Variants in PLEKHA2 observed in about 807,000 individuals in gnomAD.
PLEKHA2 encodes pleckstrin homology domain containing A2, also known as pleckstrin homology domain-containing family A member 2.
A neutral mutation model predicts 53.2 loss-of-function variants in PLEKHA2; 28 were observed. The ratio of observed to expected loss-of-function variants is 0.53; its 90% CI spans 0.39 to 0.72. PLEKHA2 has a LOEUF of 0.72. PLEKHA2 is among the 30% of genes least tolerant of loss of function. The probability of loss-of-function intolerance (pLI) is 0.00; values close to 1 mark genes in which losing one functional copy is unlikely to be tolerated. For synonymous variants in PLEKHA2, 193 were observed against 196.4 expected (o/e 0.98, Z 0.14); for missense variants, 426 against 537.9 (o/e 0.79, Z 2.06).
In PLEKHA2 at chr8:38,973,870, T is replaced by G; in HGVS notation, c.*4087T>G. 4.1e-6 allele frequency: 1 copy of G among 246,364 alleles called. No homozygotes were observed. The highest frequency in any genetic ancestry group is 7.8e-6 in the Non-Finnish European group (1 of 128,574). 15.3% of individuals were successfully genotyped at this position (246,364 alleles called of 1,614,324 possible). On this transcript the variant is annotated 3_prime_UTR_variant, in exon 12 of 12. Coordinates refer to ENST00000617275, the MANE Select transcript of PLEKHA2 (RefSeq NM_021623.2). ...ATGTAGCAAAAATTTTCTAAAACTG[T>G]TTTGTGGCTTGTTTTGTAATAAAAC... is the stretch of plus-strand genomic sequence containing the variant.
At chr8:38,914,814 A>G (rs1346400967) in intron 1 of PLEKHA2, among the ~76,000 whole-genome samples, 1 of 152,226 alleles carries the variant, frequency 6.6e-6, no homozygotes, top group East Asian at 1.9e-4. Context: ...GAAAATTGCA[A>G]CAAGAGCAGA....
intron 1 of PLEKHA2, among the ~76,000 whole-genome samples, chr8:38,916,138 G>A (rs547073616): frequency 5.9e-5 from 9 of 152,158 alleles, no homozygotes; most frequent in African/African-American, 2.2e-4. Context: ...ACCACGACTG[G>A]CTAATTTTTT....
rs778630673 is a variant in PLEKHA2, at chr8:38,922,593, C to T, written c.141+4523C>T. ...GACAAGGAGATGCCTGCTATGTTTT[C>T]TTAATTATTTAATAGGCAGTAATAA... On this transcript the variant is annotated intron_variant, in intron 2 of 11. Coordinates refer to ENST00000617275, the MANE Select transcript of PLEKHA2 (RefSeq NM_021623.2). The surrounding 1 kb of genome is among the most constrained non-coding windows in gnomAD (Gnocchi z 4.0). Among the ~76,000 whole-genome samples the T allele has an allele frequency of 6.6e-6, 1 of 152,188 alleles. No individual in the cohort carries two copies. Among genetic ancestry groups the T allele is most frequent in the Non-Finnish European group, 1.5e-5 (1 of 68,038 alleles).
At chr8:38,934,127 G>A (rs1834447465) in intron 2 of PLEKHA2, among the ~76,000 whole-genome samples, 1 of 151,894 alleles carries the variant, frequency 6.6e-6, no homozygotes, top group Admixed American at 6.6e-5. Flanking sequence ...AAAAGAAAAA[G>A]AAGAAGAGGT....
intron 5 of PLEKHA2, among the ~76,000 whole-genome samples, chr8:38,948,341 T>A (rs76754283): frequency 0.063 from 9,525 of 152,242 alleles, 389 homozygotes; most frequent in East Asian, 0.17. Flanking sequence ...TTAATTTTAA[T>A]GAGCTTGAGT....
chr8:38,922,838 G>C lies in PLEKHA2; in HGVS notation c.141+4768G>C, dbSNP rs1159730772. On this transcript the variant is annotated intron_variant, in intron 2 of 11. Transcript: ENST00000617275. This position sits in a 1 kb window ranked among gnomAD's most constrained non-coding sequence, Gnocchi z 4.0. ...TCCATAATCCTGGGGCCTAGGGTCTGTTGTTACTCTTTGCTCATGGTTGTG... is the reference window on the plus strand; with the variant it reads ...TCCATAATCCTGGGGCCTAGGGTCTCTTGTTACTCTTTGCTCATGGTTGTG... 6.6e-6 allele frequency among the ~76,000 whole-genome samples: 1 copy of C among 152,202 alleles called. No individual in the cohort carries two copies. Among genetic ancestry groups the C allele is most frequent in the African/African-American group, 2.4e-5 (1 of 41,442 alleles).
At chr8:38,929,688 A>G (rs1256756538) in intron 2 of PLEKHA2, among the ~76,000 whole-genome samples, 1 of 152,180 alleles carries the variant, frequency 6.6e-6, no homozygotes, top group Non-Finnish European at 1.5e-5. Context: ...AATATATGTT[A>G]GTTTCCTTCT....
chr8:38,918,900 G>A (rs889049564), intron 2 of PLEKHA2, among the ~76,000 whole-genome samples: 1 of 152,162 alleles, frequency 6.6e-6, no homozygotes, highest in African/African-American at 2.4e-5. Flanking sequence ...GCTCTCACAC[G>A]CAGACACCAG....
At chr8:38,916,670 G>A (rs1834068672) in intron 1 of PLEKHA2, among the ~76,000 whole-genome samples, 1 of 152,118 alleles carries the variant, frequency 6.6e-6, no homozygotes, top group Non-Finnish European at 1.5e-5. Flanking sequence ...TCATTCATCT[G>A]TTGATGGCCA....
chr8:38,903,522 G>T (rs557483427), intron 1 of PLEKHA2, among the ~76,000 whole-genome samples: 10 of 152,182 alleles, frequency 6.6e-5, no homozygotes, highest in African/African-American at 1.4e-4. Context: ...TTGAAGACAT[G>T]CAGGTTTTGG....
rs879723172 is a variant in PLEKHA2 at position 38,935,430 on chromosome 8, CT to C, written c.142-548del. On this transcript the variant is annotated intron_variant, in intron 2 of 11. Transcript: ENST00000617275. ...GAACTTGTTCACAGTGGAGCTTACACTTTTTTTTTTTTTTTTAAGAGATAGG... is the reference window on the plus strand; with the variant it reads ...GAACTTGTTCACAGTGGAGCTTACACTTTTTTTTTTTTTTTAAGAGATAGG... 7.6e-3 allele frequency among the ~76,000 whole-genome samples: 1,069 copies of C among 141,470 alleles called. 2 individuals are homozygous for C. The highest frequency in any genetic ancestry group is 0.013 in the African/African-American group (513 of 38,784). The allele number at this position is 141,470 out of a possible 152,430, so 92.8% of individuals were successfully genotyped here. A position where few individuals can be genotyped will look rare whatever the true frequency, so the allele number is the denominator to read the frequency against.
In PLEKHA2 at chr8:38,970,063, A is replaced by G. The variant is rs1262034809; in HGVS notation, c.*280A>G. 3.8e-6 allele frequency: 2 copies of G among 528,086 alleles called. No individual in the cohort carries two copies. Among genetic ancestry groups the G allele is most frequent in the Non-Finnish European group, 6.6e-6 (2 of 305,016 alleles). 32.7% of individuals were successfully genotyped at this position (528,086 alleles called of 1,614,324 possible). Reference sequence around the variant, plus strand: ...CAGTGGAGAGGAAGCTACCTATTCTATTCTAACTATTCTGAGGTCTTCCTG... The same window carrying G: ...CAGTGGAGAGGAAGCTACCTATTCTGTTCTAACTATTCTGAGGTCTTCCTG... On this transcript the variant is annotated 3_prime_UTR_variant, in exon 12 of 12. Transcript: ENST00000617275.
chr8:38,906,838 G>A (rs1833884543), intron 1 of PLEKHA2, among the ~76,000 whole-genome samples: 1 of 152,176 alleles, frequency 6.6e-6, no homozygotes, highest in Non-Finnish European at 1.5e-5. Flanking sequence ...ATATCTTGAT[G>A]TATGCTGCAA....
intron 1 of PLEKHA2, among the ~76,000 whole-genome samples, chr8:38,905,835 C>G (rs947584304): frequency 2.6e-5 from 4 of 152,038 alleles, no homozygotes; most frequent in African/African-American, 9.7e-5. Flanking sequence ...CAGGCGCATG[C>G]CACCACGCCC....
intron 10 of PLEKHA2, among the ~76,000 whole-genome samples, chr8:38,967,418 GA>G (rs1835161127): frequency 6.6e-6 from 1 of 152,144 alleles, no homozygotes; most frequent in Admixed American, 6.5e-5. Flanking sequence ...AGTTCTTTGA[GA>G]AATCTCTCTA....
chr8:38,914,351 A>G (rs1325080559), intron 1 of PLEKHA2, among the ~76,000 whole-genome samples: 1 of 152,244 alleles, frequency 6.6e-6, no homozygotes, highest in Non-Finnish European at 1.5e-5. Flanking sequence ...GGGAGAGAAC[A>G]TGCCACACCA....
At chr8:38,963,135 A>G (rs1474776958) in intron 10 of PLEKHA2, among the ~76,000 whole-genome samples, 1 of 152,228 alleles carries the variant, frequency 6.6e-6, no homozygotes, top group Non-Finnish European at 1.5e-5. Context: ...TAGATAGTCA[A>G]TAGAAGCTCA....
At chr8:38,905,830 G>A (rs937565876) in intron 1 of PLEKHA2, among the ~76,000 whole-genome samples, 32 of 151,914 alleles carry the variant, frequency 2.1e-4, no homozygotes, top group Admixed American at 7.2e-4. Context: ...GTCTACAGGC[G>A]CATGCCACCA....
At chr8:38,945,251 CA>C (rs1834690270) in intron 4 of PLEKHA2, among the ~76,000 whole-genome samples, 1 of 152,182 alleles carries the variant, frequency 6.6e-6, no homozygotes, top group African/African-American at 2.4e-5. Flanking sequence ...TTCACAAAGG[CA>C]GGGGTATTCC....
Sources: allele counts gnomAD v4.1 joint callset (sites outside exome capture counted in the v4.1 genomes callset), GRCh38; gene constraint gnomAD v4.1.1; non-coding constraint Gnocchi (gnomAD v3.1); transcripts MANE v1.5; gene names NCBI Gene and HGNC (gene_info 2026-07-23, HGNC 2026-07-21).